Variants in MINDY2 observed in about 807,000 individuals in gnomAD.
MINDY2 encodes the protein ubiquitin carboxyl-terminal hydrolase MINDY-2.
A neutral mutation model predicts 68.2 loss-of-function variants in MINDY2; 52 were observed. The observed-to-expected ratio is 0.76, with a 90% confidence interval of 0.61 to 0.96. The LOEUF (loss-of-function observed/expected upper bound fraction) is 0.96. Among genes scored for constraint, MINDY2 ranks in the 40% least tolerant of loss-of-function variants. MINDY2 has a pLI of 0.00. For synonymous variants in MINDY2, 372 were observed against 303.0 expected, an observed-to-expected ratio of 1.23 and a Z score of -2.36; for missense variants, 881 against 773.4, an observed-to-expected ratio of 1.14 and a Z score of -1.65.
At position 58,851,895 on chromosome 15, in the gene MINDY2, G is replaced by C. The variant is rs372499674; in HGVS notation, c.1667G>C (p.Arg556Pro). The change falls in exon 8 of 9, where the codon CGG becomes CCG. Residue 556 changes from arginine to proline, a missense_variant. Physicochemically the swap from Arg to Pro is moderately radical, Grantham distance 103 (BLOSUM62 -2). Transcript: ENST00000559228. ...AAACTCCAAGAGGAAGAGGACAGAC[G>C]GGCTTCTCAATACTATCAGGAACAG... ...AKKLQEEEDR[R>P]ASQYYQEQEQ... 5 of 1,612,742 alleles carry C rather than the reference G, an allele frequency of 3.1e-6. No homozygotes were observed. The highest frequency in any genetic ancestry group is 4.2e-6 in the Non-Finnish European group (5 of 1,179,710).
intron 3 of MINDY2, among the ~76,000 whole-genome samples, chr15:58,808,044 C>A (rs184425908): frequency 6.6e-6 from 1 of 152,118 alleles, no homozygotes; most frequent in East Asian, 1.9e-4. Flanking sequence ...CTCCCTCACT[C>A]CCTTCCTTCC....
chr15:58,812,431 C>T (rs2030347966), intron 4 of MINDY2, among the ~76,000 whole-genome samples: 2 of 145,828 alleles, frequency 1.4e-5, no homozygotes, highest in Non-Finnish European at 3.0e-5. Context: ...AGCAACGGTC[C>T]GTCTCAAAAA....
At chr15:58,836,054 C>T (rs1243005702) in intron 6 of MINDY2, among the ~76,000 whole-genome samples, 6 of 151,966 alleles carry the variant, frequency 3.9e-5, no homozygotes, top group African/African-American at 9.7e-5. Context: ...GGACTACAGG[C>T]GCCCGCCACC....
At chr15:58,837,764 G>C (rs1181205355) in intron 6 of MINDY2, among the ~76,000 whole-genome samples, 1 of 151,840 alleles carries the variant, frequency 6.6e-6, no homozygotes, top group Non-Finnish European at 1.5e-5. Flanking sequence ...CCAGTAGTTA[G>C]AGACCAGCAT....
chr15:58,803,575 G>T (rs1420449301), intron 3 of MINDY2, among the ~76,000 whole-genome samples: 1 of 152,148 alleles, frequency 6.6e-6, no homozygotes, highest in Non-Finnish European at 1.5e-5. Context: ...CCAGCACTTT[G>T]GGAGGCCAAG....
chr15:58,793,287 C>A (rs1399210877), intron 2 of MINDY2, among the ~76,000 whole-genome samples: 1 of 151,862 alleles, frequency 6.6e-6, no homozygotes, highest in Admixed American at 6.6e-5. Flanking sequence ...CCCGTCTCTA[C>A]TAAAAATACA....
intron 4 of MINDY2, among the ~76,000 whole-genome samples, chr15:58,818,942 A>G (rs1346380079): frequency 6.6e-6 from 1 of 151,968 alleles, no homozygotes; most frequent in African/African-American, 2.4e-5. Context: ...TGCCCAGCCT[A>G]TTGATCTTGT....
Position 58,843,695 on chromosome 15 carries a change from G to A in MINDY2, c.1369-3602G>A, listed in dbSNP as rs1011743048. ...CTAAAAATACAAAAATTAGCCGGGC[G>A]TGGTGGTGGGCACCTGTAGTCCCAG... On this transcript the variant is annotated intron_variant, in intron 6 of 8. Transcript: ENST00000559228. Among the ~76,000 whole-genome samples the A allele has an allele frequency of 4.6e-5, 7 of 151,748 alleles. No individual in the cohort carries two copies. In the East Asian group the frequency reaches 5.8e-4, roughly 13 times the overall value.
intron 1 of MINDY2, among the ~76,000 whole-genome samples, chr15:58,775,919 G>A (rs1291236144): frequency 1.3e-5 from 2 of 148,844 alleles, no homozygotes; most frequent in African/African-American, 5.0e-5. Flanking sequence ...CTAGAGTGCA[G>A]TGGCAGGATC....
chr15:58,831,673 T>C lies in MINDY2; in HGVS notation c.1226-101T>C, dbSNP rs1245624995. ...AGTAGTAGGGAAAGTATTATAATTA[T>C]TGGCCTTTTTCCATACTTGGAACAC... is the stretch of plus-strand genomic sequence containing the variant. On this transcript the variant is annotated intron_variant, in intron 5 of 8. Coordinates refer to ENST00000559228, the MANE Select transcript of MINDY2 (RefSeq NM_001040450.3). The C allele has an allele frequency of 2.6e-5, 26 of 992,570 alleles. No homozygotes were observed. In the Admixed American group the frequency reaches 7.0e-4, roughly 27 times the overall value. The allele number at this position is 992,570 out of a possible 1,614,324, so 61.5% of individuals were successfully genotyped here. A position where few individuals can be genotyped will look rare whatever the true frequency, so the allele number is the denominator to read the frequency against.
At position 58,860,085 on chromosome 15, in the gene MINDY2, T is replaced by C. The variant is rs2033173471; in HGVS notation, c.*5475T>C. The C allele has an allele frequency of 6.6e-6, 1 of 152,214 alleles. No homozygotes were observed. Among genetic ancestry groups the C allele is most frequent in the African/African-American group, 2.4e-5 (1 of 41,444 alleles). 9.4% of individuals were successfully genotyped at this position (152,214 alleles called of 1,614,324 possible). A position where few individuals can be genotyped will look rare whatever the true frequency, so the allele number is the denominator to read the frequency against. Reference sequence around the variant, plus strand: ...CCATTAAGTCTCTCTTTATCTGATATTCTAAGGATTTCTTCAAACTACTTA... The same window carrying C: ...CCATTAAGTCTCTCTTTATCTGATACTCTAAGGATTTCTTCAAACTACTTA... On this transcript the variant is annotated 3_prime_UTR_variant, in exon 9 of 9. Coordinates refer to ENST00000559228, the MANE Select transcript of MINDY2 (RefSeq NM_001040450.3).
rs774631747 is a variant in MINDY2, at chr15:58,854,625, T to C, written c.*15T>C. 2 of 1,600,406 alleles carry C rather than the reference T, an allele frequency of 1.2e-6. No homozygotes were observed. Among genetic ancestry groups the C allele is most frequent in the Admixed American group, 1.7e-5 (1 of 59,580 alleles). ...TTATTTTGTAACAAGTGTTGGCTTC[T>C]GTTGGAACCACCTATATGTCTTGAG... On this transcript the variant is annotated 3_prime_UTR_variant, in exon 9 of 9. Coordinates refer to ENST00000559228, the MANE Select transcript of MINDY2 (RefSeq NM_001040450.3).
At chr15:58,834,715 A>T (rs1462029202) in intron 6 of MINDY2, among the ~76,000 whole-genome samples, 2 of 152,156 alleles carry the variant, frequency 1.3e-5, no homozygotes, top group Non-Finnish European at 2.9e-5. Flanking sequence ...TTTTTTCTAA[A>T]TGAAAGTGGC....
At chr15:58,845,427 G>T (rs1014701243) in intron 6 of MINDY2, among the ~76,000 whole-genome samples, 1 of 151,992 alleles carries the variant, frequency 6.6e-6, no homozygotes, top group Non-Finnish European at 1.5e-5. Flanking sequence ...ATAAACAAAT[G>T]GCAGACAGGT....
intron 6 of MINDY2, among the ~76,000 whole-genome samples, chr15:58,834,024 G>A (rs944709115): frequency 6.6e-6 from 1 of 152,110 alleles, no homozygotes; most frequent in African/African-American, 2.4e-5. Context: ...GTGTCTCTGG[G>A]TACTTGAGAT....
chr15:58,849,498 C>G (rs2032709960), intron 7 of MINDY2, among the ~76,000 whole-genome samples: 1 of 151,990 alleles, frequency 6.6e-6, no homozygotes, highest in African/African-American at 2.4e-5. Context: ...GAGCAAGACT[C>G]CGTCTCAAAA....
chr15:58,795,177 A>T (rs1420791193), intron 2 of MINDY2, among the ~76,000 whole-genome samples: 2 of 144,830 alleles, frequency 1.4e-5, no homozygotes, highest in Non-Finnish European at 3.0e-5. Context: ...CTCGTCTCCA[A>T]AAAATAAATA....
intron 3 of MINDY2, among the ~76,000 whole-genome samples, chr15:58,806,928 G>T (rs1411820095): frequency 4.6e-5 from 7 of 152,282 alleles, no homozygotes; most frequent in South Asian, 2.1e-4. Flanking sequence ...AAAGGTCAAA[G>T]ACTGCAGTAT....
At chr15:58,801,220 C>G (rs1352650664) in intron 2 of MINDY2, among the ~76,000 whole-genome samples, 6 of 151,652 alleles carry the variant, frequency 4.0e-5, no homozygotes, top group African/African-American at 9.7e-5. Context: ...GTGATCCACC[C>G]TCCTCGGCCT....
Sources: allele counts gnomAD v4.1 joint callset (sites outside exome capture counted in the v4.1 genomes callset), GRCh38; gene constraint gnomAD v4.1.1; transcripts MANE v1.5; gene names NCBI Gene and HGNC (gene_info 2026-07-23, HGNC 2026-07-21).